PTPRM: variants seen among roughly 807,000 people sequenced by gnomAD.
The protein encoded by PTPRM is receptor-type tyrosine-protein phosphatase mu.
Under a neutral mutation model 186.7 loss-of-function variants are expected in PTPRM, and 47 were observed. The observed-to-expected ratio is 0.25, with a 90% confidence interval of 0.20 to 0.32. The LOEUF (loss-of-function observed/expected upper bound fraction) is 0.32, where lower values mean the gene tolerates loss of function less well. PTPRM is among the 10% of genes least tolerant of loss of function. The probability of loss-of-function intolerance (pLI) is 1.00; values close to 1 mark genes in which losing one functional copy is unlikely to be tolerated. For missense variants in PTPRM, 1,494 were observed against 1,865.0 expected (o/e 0.80, Z 3.66); for synonymous variants, 668 against 674.9 (o/e 0.99, Z 0.16).
intron 20 of PTPRM, among the ~76,000 whole-genome samples, chr18:8,298,095 C>T (rs1159024697): frequency 6.6e-6 from 1 of 152,178 alleles, no homozygotes; most frequent in East Asian, 1.9e-4. Context: ...TAGTCTAGCG[C>T]CGTGACACAG....
intron 2 of PTPRM, among the ~76,000 whole-genome samples, chr18:7,822,642 A>G (rs552698694): frequency 6.6e-6 from 1 of 152,234 alleles, no homozygotes; most frequent in Non-Finnish European, 1.5e-5. Context: ...CGAGCCAAGC[A>G]TTCTCAAGTT....
chr18:8,064,188 T>C (rs2088865200), intron 7 of PTPRM, among the ~76,000 whole-genome samples: 1 of 152,198 alleles, frequency 6.6e-6, no homozygotes, highest in South Asian at 2.1e-4. Context: ...GCTATGTAGA[T>C]AATCTATTTC....
At chr18:7,767,729 G>C (rs770019980) in intron 1 of PTPRM, among the ~76,000 whole-genome samples, 1 of 152,120 alleles carries the variant, frequency 6.6e-6, no homozygotes, top group African/African-American at 2.4e-5. Flanking sequence ...AAAAGAAAGA[G>C]AATTCAACTT....
At chr18:8,165,441 C>G (rs2093308339) in intron 14 of PTPRM, among the ~76,000 whole-genome samples, 1 of 152,106 alleles carries the variant, frequency 6.6e-6, no homozygotes, top group Non-Finnish European at 1.5e-5. Flanking sequence ...CAGAAATGCA[C>G]AAAGCTACAT....
intron 11 of PTPRM, among the ~76,000 whole-genome samples, chr18:8,112,079 C>T (rs902160303): frequency 1.3e-5 from 2 of 152,116 alleles, no homozygotes; most frequent in Non-Finnish European, 2.9e-5. Context: ...TGACTCAATC[C>T]GATAGAAAGT....
intron 32 of PTPRM, among the ~76,000 whole-genome samples, chr18:8,397,520 A>AT (rs1243003767): frequency 6.6e-6 from 1 of 152,294 alleles, no homozygotes; most frequent in African/African-American, 2.4e-5. Context: ...ACAAGACTAG[A>AT]TTTTTTTGTA....
At chr18:8,244,557 C>T (rs1423496260) in intron 15 of PTPRM, among the ~76,000 whole-genome samples, 1 of 152,182 alleles carries the variant, frequency 6.6e-6, no homozygotes, top group Non-Finnish European at 1.5e-5. Context: ...TGTGGAATTA[C>T]ACATGGGAAG....
chr18:8,172,005 TC>T (rs1418226515), intron 14 of PTPRM, among the ~76,000 whole-genome samples: 15 of 152,210 alleles, frequency 9.9e-5, no homozygotes, highest in Non-Finnish European at 2.1e-4. Context: ...AAGTACAGTT[TC>T]TACTGAATGC....
At chr18:7,893,855 TG>T (rs1263273869) in intron 3 of PTPRM, among the ~76,000 whole-genome samples, 2 of 152,128 alleles carry the variant, frequency 1.3e-5, no homozygotes, top group African/African-American at 4.8e-5. Context: ...AAAATCGCTA[TG>T]TAAGACCTGA....
chr18:7,706,877 A>G (rs1242805429), intron 1 of PTPRM, among the ~76,000 whole-genome samples: 3 of 152,132 alleles, frequency 2.0e-5, no homozygotes, highest in Admixed American at 6.6e-5. Flanking sequence ...GAAAACATCA[A>G]TTATTAATCC....
chr18:8,121,319 A>G (rs980272010), intron 13 of PTPRM, among the ~76,000 whole-genome samples: 1 of 152,226 alleles, frequency 6.6e-6, no homozygotes, highest in Non-Finnish European at 1.5e-5. Context: ...CCACATTTCT[A>G]ATAGTACCCA....
chr18:7,933,372 A>G (rs529691810), intron 5 of PTPRM, among the ~76,000 whole-genome samples: 39 of 152,336 alleles, frequency 2.6e-4, no homozygotes, highest in African/African-American at 8.9e-4. Context: ...GGAAAAAGAA[A>G]TTCATTCTAG....
intron 22 of PTPRM, among the ~76,000 whole-genome samples, chr18:8,342,798 G>A (rs1195797016): frequency 6.6e-6 from 1 of 152,082 alleles, no homozygotes; most frequent in Non-Finnish European, 1.5e-5. Context: ...ATAGGAAAGA[G>A]CTTTTTAATG....
chr18:7,683,205 G>T (rs563967497), intron 1 of PTPRM, among the ~76,000 whole-genome samples: 1 of 138,748 alleles, frequency 7.2e-6, no homozygotes, highest in Admixed American at 7.9e-5. Flanking sequence ...TTGCTCTGTC[G>T]CCTAGACTAG....
chr18:7,616,902 T>A (rs2037819042), intron 1 of PTPRM, among the ~76,000 whole-genome samples: 1 of 152,140 alleles, frequency 6.6e-6, no homozygotes, highest in Non-Finnish European at 1.5e-5. Flanking sequence ...CAGGATGTGC[T>A]TCCTTAGTGC....
At position 8,387,057 on chromosome 18, in the gene PTPRM, C is replaced by G. The variant is rs764886279; in HGVS notation, c.4045-15C>G. 6.3e-7 allele frequency: 1 copy of G among 1,583,686 alleles called. No homozygotes were observed. The highest frequency in any genetic ancestry group is 8.7e-7 in the Non-Finnish European group (1 of 1,153,266). ...TTTTCTTTCCACTCCCCGATTGTTG[C>G]CTTGTTCTTCGTAGCCCCAAGATGG... is the stretch of plus-strand genomic sequence containing the variant. On this transcript the variant is annotated splice_polypyrimidine_tract_variant and intron_variant, in intron 30 of 32. Coordinates refer to ENST00000580170, the MANE Select transcript of PTPRM (RefSeq NM_001105244.2).
intron 1 of PTPRM, among the ~76,000 whole-genome samples, chr18:7,640,083 A>T (rs2038410822): frequency 6.6e-6 from 1 of 152,184 alleles, no homozygotes; most frequent in Non-Finnish European, 1.5e-5. Context: ...GGCAGAATGG[A>T]TGGATGACTG....
intron 1 of PTPRM, among the ~76,000 whole-genome samples, chr18:7,684,354 C>T (rs1429009085): frequency 1.3e-5 from 2 of 151,666 alleles, no homozygotes; most frequent in Admixed American, 6.6e-5. Context: ...GGTAAGAACA[C>T]GTAACATGGG....
rs1288901531 is a variant in PTPRM at position 8,182,422 on chromosome 18, C to T, written c.2300+38643C>T. Among the ~76,000 whole-genome samples the T allele has an allele frequency of 3.3e-5, 5 of 152,230 alleles. No individual in the cohort carries two copies. In the East Asian group the frequency reaches 5.8e-4, roughly 18 times the overall value. On this transcript the variant is annotated intron_variant, in intron 14 of 32. Transcript: ENST00000580170. Reference sequence around the variant, plus strand: ...GTATTTTGAAATAATGGAGACATTACGCAAGCTAAACTTGAGTTCATTTTA... The same window carrying T: ...GTATTTTGAAATAATGGAGACATTATGCAAGCTAAACTTGAGTTCATTTTA...
Sources: gnomAD v4.1 joint callset for allele counts (sites outside exome capture counted in the v4.1 genomes callset) on GRCh38, gnomAD v4.1.1 for gene constraint, MANE v1.5 for transcripts, NCBI Gene and HGNC (gene_info 2026-07-23, HGNC 2026-07-21) for gene names.